The following HDAC9 variants were observed in gnomAD, a reference collection of about 807,000 sequenced individuals.
The protein encoded by HDAC9 is MEF-2 interacting transcription repressor (MITR) protein.
A neutral mutation model predicts 139.4 loss-of-function variants in HDAC9; 41 were observed. The observed-to-expected ratio is 0.29, with a 90% CI of 0.23 to 0.38. The LOEUF is 0.38. HDAC9 is among the 10% of genes least tolerant of loss of function. The pLI, the probability that HDAC9 is intolerant of heterozygous loss-of-function variation, is 1.00. For missense variants in HDAC9, 1,147 were observed against 1,297.0 expected (o/e 0.88, Z 1.78); for synonymous variants, 517 against 476.2 (o/e 1.09, Z -1.12).
At chr7:18,508,915 A>T (rs1394855341) in intron 2 of HDAC9, among the ~76,000 whole-genome samples, 2 of 152,172 alleles carry the variant, frequency 1.3e-5, no homozygotes, top group African/African-American at 4.8e-5. Context: ...GAGAATCATA[A>T]CTTCCCAAGA....
chr7:18,310,848 ACT>A (rs1554367256), intron 1 of HDAC9, among the ~76,000 whole-genome samples: 32 of 137,728 alleles, frequency 2.3e-4, no homozygotes, highest in Admixed American at 8.6e-4. Context: ...ACACACACAC[ACT>A]CTCTTACTAA....
chr7:18,415,589 T>C (rs1293354152), intron 1 of HDAC9, among the ~76,000 whole-genome samples: 1 of 152,212 alleles, frequency 6.6e-6, no homozygotes, highest in Non-Finnish European at 1.5e-5. Context: ...GAGGGAAAAT[T>C]TATTCTGCTC....
intron 17 of HDAC9, among the ~76,000 whole-genome samples, chr7:18,804,454 C>T (rs535183203): frequency 6.6e-6 from 1 of 152,250 alleles, no homozygotes; most frequent in African/African-American, 2.4e-5. Context: ...GGGTCTATTT[C>T]TAATAGGGCA....
intron 6 of HDAC9, among the ~76,000 whole-genome samples, chr7:18,610,796 CA>C (rs1250488385): frequency 6.6e-6 from 1 of 152,176 alleles, no homozygotes; most frequent in Non-Finnish European, 1.5e-5. Context: ...TTTTCTGCCC[CA>C]AAACAGTGAT....
At chr7:18,462,115 A>T (rs1045783726) in intron 1 of HDAC9, among the ~76,000 whole-genome samples, 8 of 111,542 alleles carry the variant, frequency 7.2e-5, no homozygotes, top group African/African-American at 5.7e-4. Context: ...CTTAACATTA[A>T]AAAAAAATCA....
chr7:18,382,026 A>G (rs1329733031), intron 1 of HDAC9, among the ~76,000 whole-genome samples: 1 of 152,166 alleles, frequency 6.6e-6, no homozygotes, highest in Non-Finnish European at 1.5e-5. Flanking sequence ...TGAGAGTCTC[A>G]AAGTAGTCTG....
At chr7:18,796,118 T>G (rs891719484) in intron 17 of HDAC9, among the ~76,000 whole-genome samples, 1 of 152,216 alleles carries the variant, frequency 6.6e-6, no homozygotes, top group Non-Finnish European at 1.5e-5. Context: ...ATTGCACTAA[T>G]TTTTCTTGGA....
At chr7:18,386,119 G>A (rs899339336) in intron 1 of HDAC9, among the ~76,000 whole-genome samples, 3 of 152,086 alleles carry the variant, frequency 2.0e-5, no homozygotes, top group Non-Finnish European at 4.4e-5. Context: ...AAGCCATTCA[G>A]GCTCAGCTTA....
Position 18,547,772 on chromosome 7 carries a change from A to T in HDAC9, c.23-37509A>T, listed in dbSNP as rs188576901. The stretch of plus-strand genomic sequence containing the variant: ...TCATCATTTCCACAGTGTTCACAGC[A>T]TCTTCACCAGGAGTAGATTCCATTT... On this transcript the variant is annotated intron_variant, in intron 2 of 25. Coordinates refer to ENST00000686413, the MANE Select transcript of HDAC9 (RefSeq NM_178425.4). Among the ~76,000 whole-genome samples the T allele has an allele frequency of 2.6e-5, 4 of 151,586 alleles. No individual in the cohort carries two copies. The East Asian group carries it at 7.8e-4, about 30-fold the overall frequency.
intron 24 of HDAC9, among the ~76,000 whole-genome samples, chr7:18,957,310 A>G (rs1585405962): frequency 6.6e-6 from 1 of 152,272 alleles, no homozygotes; most frequent in Admixed American, 6.5e-5. Flanking sequence ...AGAGCCCTCT[A>G]ATGTCCACAG....
chr7:18,382,680 A>G (rs1291188680), intron 1 of HDAC9, among the ~76,000 whole-genome samples: 1 of 152,252 alleles, frequency 6.6e-6, no homozygotes, highest in African/African-American at 2.4e-5. Flanking sequence ...AAAAGTCAAA[A>G]TGTGTTTGCA....
chr7:18,309,566 A>C (rs1417047601), intron 1 of HDAC9, among the ~76,000 whole-genome samples: 1 of 152,224 alleles, frequency 6.6e-6, no homozygotes, highest in African/African-American at 2.4e-5. Flanking sequence ...CATAGATTAC[A>C]GTATGTGTGC....
rs576159067 is a variant in HDAC9 at position 18,245,668 on chromosome 7, A to G, written c.25+83319A>G. ...TTGGGAGATGTGAGAATGAGAAACA[A>G]TAGCTTTCATTTCTCTTCATTGAAG... On this transcript the variant is annotated intron_variant, in intron 2 of 12. Transcript: ENST00000417496. 2.6e-5 allele frequency among the ~76,000 whole-genome samples: 4 copies of G among 152,328 alleles called. No homozygotes were observed. The East Asian group carries it at 7.7e-4, about 29-fold the overall frequency.
chr7:18,117,907 C>G (rs1279785337), intron 1 of HDAC9, among the ~76,000 whole-genome samples: 1 of 152,130 alleles, frequency 6.6e-6, no homozygotes, highest in Non-Finnish European at 1.5e-5. Context: ...TGGATTGACT[C>G]TTTCTCCTGT....
chr7:18,183,070 C>G (rs377270358), intron 2 of HDAC9, among the ~76,000 whole-genome samples: 2 of 150,300 alleles, frequency 1.3e-5, no homozygotes, highest in Non-Finnish European at 1.5e-5. Context: ...AGTGCAGTGG[C>G]GCAATCTCGG....
chr7:18,697,235 C>T (rs764818880), intron 12 of HDAC9, among the ~76,000 whole-genome samples: 5 of 152,060 alleles, frequency 3.3e-5, no homozygotes, highest in Non-Finnish European at 5.9e-5. Context: ...CTCATCATGA[C>T]GAGGCCCAGC....
intron 1 of HDAC9, among the ~76,000 whole-genome samples, chr7:18,392,919 C>CAAAAAA (rs773532939): frequency 2.2e-5 from 1 of 44,528 alleles, no homozygotes; most frequent in African/African-American, 6.1e-5. Context: ...CCATGACTGG[C>CAAAAAA]AAAAAAAAAA....
intron 25 of HDAC9, among the ~76,000 whole-genome samples, chr7:18,988,770 A>G (rs1438438972): frequency 1.3e-5 from 2 of 151,792 alleles, no homozygotes; most frequent in African/African-American, 4.8e-5. Flanking sequence ...ATATATATTT[A>G]GGATAGTTAG....
intron 2 of HDAC9, among the ~76,000 whole-genome samples, chr7:18,202,959 T>G (rs569618967): frequency 4.4e-4 from 67 of 152,312 alleles, no homozygotes; most frequent in South Asian, 6.2e-4. Context: ...TCGAAAGTTC[T>G]TGTGAGGATT....
Sources: allele counts gnomAD v4.1 joint callset (sites outside exome capture counted in the v4.1 genomes callset), GRCh38; gene constraint gnomAD v4.1.1; transcripts MANE v1.5; gene names NCBI Gene and HGNC (gene_info 2026-07-23, HGNC 2026-07-21).